Variants in ACTR10 observed in about 807,000 individuals in gnomAD.
ACTR10 encodes the protein actin-related protein 10.
Under a neutral mutation model 56.2 loss-of-function variants are expected in ACTR10, and 43 were observed. The observed-to-expected ratio is 0.77, with a 90% CI of 0.60 to 0.99. The LOEUF (loss-of-function observed/expected upper bound fraction) is 0.99. Among genes scored for constraint, ACTR10 ranks in the 50% least tolerant of loss-of-function variants. The pLI, the probability that ACTR10 is intolerant of heterozygous loss-of-function variation, is 0.00. For synonymous variants in ACTR10, 170 were observed against 176.3 expected (o/e 0.96, Z 0.28); for missense variants, 466 against 507.8 (o/e 0.92, Z 0.79).
Position 58,232,125 on chromosome 14 carries a change from T to C in ACTR10, c.930T>C (p.Ser310=). 1.2e-6 allele frequency: 2 copies of C among 1,613,980 alleles called. No homozygotes were observed. The highest frequency in any genetic ancestry group is 1.7e-6 in the Non-Finnish European group (2 of 1,179,928). Residue 310 remains serine (S), a synonymous_variant, in exon 12 of 13, where the codon TCT becomes TCC. Coordinates refer to ENST00000254286, the MANE Select transcript of ACTR10 (RefSeq NM_018477.3). The stretch of plus-strand genomic sequence containing the variant: ...ATTTGGTAGTCATAGGTGGCACTTC[T>C]ATGTTGCCAGGATTTCTCCACAGAT... ...AENLVVIGGT[S]MLPGFLHRLL...
intron 7 of ACTR10, among the ~76,000 whole-genome samples, chr14:58,218,147 T>G (rs1412297545): frequency 6.6e-6 from 1 of 152,222 alleles, no homozygotes; most frequent in African/African-American, 2.4e-5. Context: ...ACCAAAGTTC[T>G]TTGACATGTT....
intron 5 of ACTR10, 120 bp from the exon 6 acceptor site, chr14:58,213,511 A>G: frequency 2.0e-6 from 1 of 512,184 alleles, no homozygotes. Context: ...CTATGTTAAA[A>G]ATAAGAAATA....
rs1488810080 is a variant in ACTR10, at chr14:58,223,864, C to T, written c.788+8C>T. ...TATCCTTGGATCAATCAGGTTAGAT[C>T]TTAAATTTTTACGGCAAAGTAGTAA... On this transcript the variant is annotated splice_region_variant and intron_variant, in intron 10 of 12. Coordinates refer to ENST00000254286, the MANE Select transcript of ACTR10 (RefSeq NM_018477.3). 2.5e-6 allele frequency: 4 copies of T among 1,595,962 alleles called. No individual in the cohort carries two copies. Among genetic ancestry groups the T allele is most frequent in the South Asian group, 1.1e-5 (1 of 87,442 alleles).
intron 2 of ACTR10, among the ~76,000 whole-genome samples, chr14:58,205,221 C>CA (rs1462283915): frequency 1.4e-5 from 2 of 140,552 alleles, no homozygotes; most frequent in African/African-American, 2.6e-5. Context: ...AACTCCATCT[C>CA]AAAAAAAACA....
In ACTR10 at chr14:58,219,112, G is replaced by T. The variant is rs181621599; in HGVS notation, c.599-582G>T. Among the ~76,000 whole-genome samples the T allele has an allele frequency of 2.0e-5, 3 of 152,224 alleles. No individual in the cohort carries two copies. The East Asian group carries it at 5.8e-4, about 29-fold the overall frequency. ...TGGGATTACAGGCGTGAGCCACTGC[G>T]CCTGGCCCCAAAGTTAAAAATTCTT... is the stretch of plus-strand genomic sequence containing the variant. On this transcript the variant is annotated intron_variant, in intron 7 of 12. Coordinates refer to ENST00000254286, the MANE Select transcript of ACTR10 (RefSeq NM_018477.3).
intron 8 of ACTR10, 79 bp from the exon 9 acceptor site, chr14:58,223,543 T>G (rs1279108177): frequency 9.1e-7 from 1 of 1,093,628 alleles, no homozygotes; most frequent in African/African-American, 1.6e-5. Flanking sequence ...TTGAATAGAA[T>G]TGTTTTAACT....
intron 2 of ACTR10, among the ~76,000 whole-genome samples, chr14:58,206,388 G>A (rs1320303943): frequency 6.6e-6 from 1 of 150,686 alleles, no homozygotes; most frequent in Non-Finnish European, 1.5e-5. Context: ...TCGCCGTGTT[G>A]GCCAGCCTGG....
At chr14:58,211,489 T>C (rs1305319574) in intron 5 of ACTR10, 90 bp downstream of exon 5, 2 of 930,498 alleles carry the variant, frequency 2.1e-6, no homozygotes, top group Non-Finnish European at 3.4e-6. Flanking sequence ...TGTATTGTAC[T>C]GAACTATTTT....
Position 58,223,772 on chromosome 14 carries a change from T to A in ACTR10, c.715-11T>A. On this transcript the variant is annotated splice_polypyrimidine_tract_variant and intron_variant, in intron 9 of 12. Coordinates refer to ENST00000254286, the MANE Select transcript of ACTR10 (RefSeq NM_018477.3). ...ATGTGTGGACTTATGTTTATGATAT[T>A]TATATTTCAGCGTCCCTCCCCACCC... is the stretch of plus-strand genomic sequence containing the variant. The A allele has an allele frequency of 6.2e-7, 1 of 1,611,794 alleles. No individual in the cohort carries two copies. Among genetic ancestry groups the A allele is most frequent in the South Asian group, 1.1e-5 (1 of 90,568 alleles).
At position 58,215,195 on chromosome 14, in the gene ACTR10, T is replaced by G; in HGVS notation, c.519-10T>G. The stretch of plus-strand genomic sequence containing the variant: ...TTTTCATTCCAGTAACTTTTTTTTT[T>G]TAATTTCAGAGAGTTGGAAACTCAA... On this transcript the variant is annotated splice_polypyrimidine_tract_variant and intron_variant, in intron 6 of 12. Transcript: ENST00000254286. The G allele has an allele frequency of 6.4e-7, 1 of 1,560,406 alleles. No homozygotes were observed. The highest frequency in any genetic ancestry group is 8.7e-7 in the Non-Finnish European group (1 of 1,150,552).
In ACTR10 at chr14:58,202,860, G is replaced by T. The variant is rs776896623; in HGVS notation, c.83G>T (p.Gly28Val). ...AATTTTCCATTTATTTGCAGGTGTG[G>T]ATTTGCTGGAGAAACTGGTCCAAGA... The part of the protein sequence containing the change: ...IDLGEAFTKC[G>V]FAGETGPRCI... Residue 28 changes from glycine (G) to valine (V), a missense_variant, in exon 2 of 13, where the codon GGA becomes GTA. Gly to Val is a moderately radical substitution (Grantham distance 109, BLOSUM62 -3). Transcript: ENST00000254286. 3.7e-6 allele frequency: 6 copies of T among 1,602,390 alleles called. No homozygotes were observed. Among genetic ancestry groups the T allele is most frequent in the Non-Finnish European group, 5.1e-6 (6 of 1,173,430 alleles).
intron 10 of ACTR10, among the ~76,000 whole-genome samples, chr14:58,228,254 G>C (rs1353115288): frequency 6.6e-6 from 1 of 152,168 alleles, no homozygotes; most frequent in Non-Finnish European, 1.5e-5. Context: ...TGGAGTTGTA[G>C]CTACCACGTT....
chr14:58,218,672 A>G (rs2140054395), intron 7 of ACTR10, among the ~76,000 whole-genome samples: 1 of 152,298 alleles, frequency 6.6e-6, no homozygotes, highest in Admixed American at 6.5e-5. Flanking sequence ...AGTTGACAAC[A>G]AATGTAGATC....
intron 4 of ACTR10, chr14:58,210,948 T>C (rs1888978837): frequency 5.5e-6 from 1 of 183,070 alleles, no homozygotes; most frequent in South Asian, 1.1e-4. Context: ...GTGCTGGGAT[T>C]ACAGGCGTGA....
At chr14:58,224,114 C>T (rs1212127056) in intron 10 of ACTR10, among the ~76,000 whole-genome samples, 1 of 152,046 alleles carries the variant, frequency 6.6e-6, no homozygotes, top group Non-Finnish European at 1.5e-5. Flanking sequence ...AATTCTCCTG[C>T]CTCAGCCTCC....
intron 2 of ACTR10, chr14:58,207,189 C>T (rs7148731): frequency 0.39 from 61,599 of 159,344 alleles, 12,720 homozygotes; most frequent in Non-Finnish European, 0.47. Context: ...TACAGGTGCA[C>T]GCCACCACGC....
intron 10 of ACTR10, 24 bp downstream of exon 10, chr14:58,223,880 A>G: frequency 2.6e-6 from 4 of 1,557,632 alleles, no homozygotes; most frequent in Non-Finnish European, 3.5e-6. Context: ...TTTTTACGGC[A>G]AAGTAGTAAA....
At chr14:58,227,218 G>A (rs1191035341) in intron 10 of ACTR10, among the ~76,000 whole-genome samples, 1 of 151,140 alleles carries the variant, frequency 6.6e-6, no homozygotes, top group Non-Finnish European at 1.5e-5. Flanking sequence ...AAGTTACTAG[G>A]AATCAGTCTT....
At chr14:58,205,741 G>A (rs908334111) in intron 2 of ACTR10, among the ~76,000 whole-genome samples, 1 of 152,142 alleles carries the variant, frequency 6.6e-6, no homozygotes, top group African/African-American at 2.4e-5. Flanking sequence ...TGTGATGGAA[G>A]CCGGGTGTGG....
Sources: allele counts gnomAD v4.1 joint callset (sites outside exome capture counted in the v4.1 genomes callset), GRCh38; gene constraint gnomAD v4.1.1; transcripts MANE v1.5; gene names NCBI Gene and HGNC (gene_info 2026-07-23, HGNC 2026-07-21).